The following MYH14 variants were observed in gnomAD, a reference collection of about 807,000 sequenced individuals.
MYH14 encodes myosin-14.
A neutral mutation model predicts 255.5 loss-of-function variants in MYH14; 123 were observed. The ratio of observed to expected loss-of-function variants is 0.48; its 90% CI spans 0.42 to 0.56. MYH14 has a LOEUF of 0.56. Ranked by LOEUF, MYH14 falls within the 20% of genes least tolerant of loss-of-function variation. The pLI is 0.00. For missense variants in MYH14, 2,423 were observed against 2,802.3 expected (o/e 0.86, Z 3.06); for synonymous variants, 1,095 against 1,161.2 (o/e 0.94, Z 1.16).
rs1260048096 is a variant in MYH14 at position 50,276,858 on chromosome 19, A to G, written c.3782A>G (p.Gln1261Arg). 2.6e-6 allele frequency: 4 copies of G among 1,552,240 alleles called. No individual in the cohort carries two copies. The highest frequency in any genetic ancestry group is 3.5e-6 in the Non-Finnish European group (4 of 1,146,656). The change falls in exon 29 of 43, where the codon CAG becomes CGG. Residue 1261 changes from glutamine (Q) to arginine (R), a missense_variant. Coordinates refer to ENST00000642316, the MANE Select transcript of MYH14 (RefSeq NM_001145809.2). The surrounding 1 kb of genome is among the most constrained non-coding windows in gnomAD (Gnocchi z 4.3). ...CAGGAGCTGAGGCAGCGCCACGGCC[A>G]GGCCCTGGGGGAGCTGGCGGAGCAG... Reference protein sequence around the residue: ...AVQELRQRHGQALGELAEQLE... With the variant: ...AVQELRQRHGRALGELAEQLE...
In MYH14 at chr19:50,248,424, G is replaced by A. The variant is rs375650227; in HGVS notation, c.1330-563G>A. 6.6e-5 allele frequency among the ~76,000 whole-genome samples: 10 copies of A among 152,268 alleles called. No individual in the cohort carries two copies. The East Asian group carries it at 1.4e-3, about 21-fold the overall frequency. ...CCATGAGCAGGGAGGGTGGAGTGGA[G>A]CGACCACAGGCCAGGGAGGGTTTCA... On this transcript the variant is annotated intron_variant, in intron 12 of 42. Coordinates refer to ENST00000642316, the MANE Select transcript of MYH14 (RefSeq NM_001145809.2).
chr19:50,289,219 C>T (rs1001783304), intron 34 of MYH14, among the ~76,000 whole-genome samples: 2 of 152,144 alleles, frequency 1.3e-5, no homozygotes, highest in African/African-American at 2.4e-5. Flanking sequence ...AATTATGAAG[C>T]ATCAGTTATT....
chr19:50,221,361 G>A lies in MYH14; in HGVS notation c.563-1722G>A, dbSNP rs1279276333. Among the ~76,000 whole-genome samples, 1 of 152,100 alleles carries A rather than the reference G, an allele frequency of 6.6e-6. No individual in the cohort carries two copies. The highest frequency in any genetic ancestry group is 1.9e-4 in the East Asian group (1 of 5,180). ...TGTGTGCATATAGTCCCCCATACCA[G>A]GCTGCCAAGTCTGAGGTCCTACTGG... is the stretch of plus-strand genomic sequence containing the variant. On this transcript the variant is annotated intron_variant, in intron 3 of 42. Coordinates refer to ENST00000642316, the MANE Select transcript of MYH14 (RefSeq NM_001145809.2). The surrounding 1 kb of genome is among the most constrained non-coding windows in gnomAD (Gnocchi z 5.3).
chr19:50,248,863 C>A, intron 12 of MYH14, 124 bp from the exon 13 acceptor site: 1 of 883,006 alleles, frequency 1.1e-6, no homozygotes, highest in Non-Finnish European at 1.8e-6. Flanking sequence ...ATGGTACTTA[C>A]ACTCAAGGAG....
chr19:50,271,623 T>G, intron 25 of MYH14, 77 bp downstream of exon 25: 1 of 1,544,430 alleles, frequency 6.5e-7, no homozygotes, highest in African/African-American at 1.4e-5. Context: ...CTTCACGCCA[T>G]GGGGGTTACC....
intron 39 of MYH14, among the ~76,000 whole-genome samples, chr19:50,297,828 G>A (rs893235707): frequency 5.3e-5 from 8 of 151,988 alleles, no homozygotes; most frequent in Admixed American, 1.3e-4. Flanking sequence ...GACACCAGCC[G>A]TATCAGATTT....
intron 39 of MYH14, among the ~76,000 whole-genome samples, chr19:50,297,715 G>C (rs184280780): frequency 6.6e-6 from 1 of 151,288 alleles, no homozygotes; most frequent in Non-Finnish European, 1.5e-5. Flanking sequence ...GGCCAGGCTG[G>C]TCTCGAACTC....
intron 10 of MYH14, 83 bp from the exon 11 acceptor site, chr19:50,244,159 T>G: frequency 8.0e-7 from 1 of 1,256,438 alleles, no homozygotes; most frequent in Non-Finnish European, 1.2e-6. Context: ...CCTTAAGCTT[T>G]TTAAGTTACA....
At chr19:50,286,430 A>C in intron 33 of MYH14, 52 bp from the exon 34 acceptor site, 1 of 1,532,958 alleles carries the variant, frequency 6.5e-7, no homozygotes, top group African/African-American at 1.4e-5. Context: ...TCCCTTGTAC[A>C]CTCCTTTCAG....
chr19:50,293,262 G>A lies in MYH14; in HGVS notation c.5286G>A (p.Arg1762=), dbSNP rs1180545475. 6.2e-7 allele frequency: 1 copy of A among 1,609,078 alleles called. No homozygotes were observed. The highest frequency in any genetic ancestry group is 8.5e-7 in the Non-Finnish European group (1 of 1,178,074). ...EELAASDRAR[R]QAQQDRDEMA... ...TGGCCGCCTCGGACCGTGCTCGGCGGCAGGCCCAGCAGGACCGGGATGAGA... is the reference window on the plus strand; with the variant it reads ...TGGCCGCCTCGGACCGTGCTCGGCGACAGGCCCAGCAGGACCGGGATGAGA... The change falls in exon 38 of 43, where the codon CGG becomes CGA. Residue 1762 remains arginine (R), a synonymous_variant. Transcript: ENST00000642316. This position sits in a 1 kb window ranked among gnomAD's most constrained non-coding sequence, Gnocchi z 4.1.
At chr19:50,259,952 T>C (rs1251464838) in intron 19 of MYH14, among the ~76,000 whole-genome samples, 1 of 152,100 alleles carries the variant, frequency 6.6e-6, no homozygotes, top group Non-Finnish European at 1.5e-5. Context: ...GAGCAAGTAA[T>C]ACAGCAAATG....
At chr19:50,224,046 T>TCCCCCTCCCCCC in intron 5 of MYH14, 108 bp from the exon 6 acceptor site, 1 of 504,360 alleles carries the variant, frequency 2.0e-6, no homozygotes, top group Non-Finnish European at 3.5e-6. Context: ...CAGTCCCCCT[T>TCCCCCTCCCCCC]CCCCCACCCC....
chr19:50,274,948 A>G (rs897705438), intron 27 of MYH14, among the ~76,000 whole-genome samples: 1 of 151,554 alleles, frequency 6.6e-6, no homozygotes, highest in Non-Finnish European at 1.5e-5. Context: ...AAAAAAAAAA[A>G]AGAAAGCAGC....
At position 50,307,019 on chromosome 19, in the gene MYH14, A is replaced by G. The variant is rs1243098226; in HGVS notation, c.5679-30A>G. 4.0e-6 allele frequency: 6 copies of G among 1,491,056 alleles called. No individual in the cohort carries two copies. In the Admixed American group the frequency reaches 1.2e-4, roughly 29 times the overall value. The allele number at this position is 1,491,056 out of a possible 1,614,324, so 92.4% of individuals were successfully genotyped here. A position where few individuals can be genotyped will look rare whatever the true frequency, so the allele number is the denominator to read the frequency against. On this transcript the variant is annotated intron_variant, in intron 40 of 42. Transcript: ENST00000642316. ...ACAAAATCCTAGGTTGAGCCCCTCTACTGAGACTCCTCCTCATCCCTCTCT... is the reference window on the plus strand; with the variant it reads ...ACAAAATCCTAGGTTGAGCCCCTCTGCTGAGACTCCTCCTCATCCCTCTCT...
At position 50,293,510 on chromosome 19, in the gene MYH14, C is replaced by T; in HGVS notation, c.5346-54C>T. The T allele has an allele frequency of 1.2e-6, 2 of 1,603,602 alleles. No homozygotes were observed. Among genetic ancestry groups the T allele is most frequent in the Non-Finnish European group, 1.7e-6 (2 of 1,175,656 alleles). On this transcript the variant is annotated intron_variant, in intron 38 of 42. Transcript: ENST00000642316. This position sits in a 1 kb window ranked among gnomAD's most constrained non-coding sequence, Gnocchi z 4.1. ...CAGGGTCCTGTAGTGTGAGGCAAGGCACCCTCCTCTGACCATCCTGTCCTT... is the reference window on the plus strand; with the variant it reads ...CAGGGTCCTGTAGTGTGAGGCAAGGTACCCTCCTCTGACCATCCTGTCCTT...
intron 13 of MYH14, 27 bp from the exon 14 acceptor site, chr19:50,249,623 C>T (rs746251494): frequency 1.9e-6 from 3 of 1,613,882 alleles, no homozygotes; most frequent in South Asian, 2.2e-5. Flanking sequence ...TCCATCCTCC[C>T]AGCTCACGTG....
intron 2 of MYH14, among the ~76,000 whole-genome samples, chr19:50,212,180 A>G (rs1316869401): frequency 1.3e-5 from 2 of 152,170 alleles, no homozygotes; most frequent in African/African-American, 4.8e-5. Flanking sequence ...GGGAATTCTT[A>G]GAAAATACCA....
At chr19:50,262,329 G>A (rs1041501722) in intron 21 of MYH14, among the ~76,000 whole-genome samples, 6 of 152,038 alleles carry the variant, frequency 3.9e-5, no homozygotes, top group South Asian at 2.1e-4. Context: ...AGGCCAAGGC[G>A]GGCGGATCAC....
Position 50,291,019 on chromosome 19 carries a change from G to A in MYH14, c.5098G>A (p.Glu1700Lys), listed in dbSNP as rs1474453503. ...GGCCTCTGCCGGCCAGGGCAAGGAG[G>A]AGGCGGTGAAGCAGCTTCGCAAGAT... ...QMASAGQGKEEAVKQLRKMQA... is the reference protein window; with the variant it reads ...QMASAGQGKEKAVKQLRKMQA... The change falls in exon 36 of 43, where the codon GAG becomes AAG. Residue 1700 changes from glutamate (E) to lysine (K), a missense_variant. Physicochemically the swap from Glu to Lys is moderately conservative, Grantham distance 56. This residue lies in a region of MYH14 where 1,513 missense variants were observed against 1,674.8 expected (regional missense o/e 0.90). Transcript: ENST00000642316. 1 of 1,612,912 alleles carries A rather than the reference G, an allele frequency of 6.2e-7. No homozygotes were observed. The highest frequency in any genetic ancestry group is 2.2e-5 in the East Asian group (1 of 44,890).
Sources: allele counts gnomAD v4.1 joint callset (sites outside exome capture counted in the v4.1 genomes callset), GRCh38; gene constraint gnomAD v4.1.1; regional missense constraint gnomAD v4.1.1; non-coding constraint Gnocchi (gnomAD v3.1); transcripts MANE v1.5; gene names NCBI Gene and HGNC (gene_info 2026-07-23, HGNC 2026-07-21).